GALNT10: variants seen among roughly 807,000 people sequenced by gnomAD.
The protein encoded by GALNT10 is GalNAc transferase 10.
Under a neutral mutation model 75.0 loss-of-function variants are expected in GALNT10, and 41 were observed. The observed-to-expected ratio is 0.55, with a 90% CI of 0.43 to 0.71. GALNT10 has a LOEUF of 0.71. Ranked by LOEUF, GALNT10 falls within the 30% of genes least tolerant of loss-of-function variation. The pLI, the probability that GALNT10 is intolerant of heterozygous loss-of-function variation, is 0.00. For synonymous variants in GALNT10, 302 were observed against 313.0 expected, an observed-to-expected ratio of 0.96 and a Z score of 0.37; for missense variants, 727 against 818.5, an observed-to-expected ratio of 0.89 and a Z score of 1.36.
intron 1 of GALNT10, among the ~76,000 whole-genome samples, chr5:154,229,660 G>A (rs556337278): frequency 1.9e-4 from 29 of 152,250 alleles, no homozygotes; most frequent in Non-Finnish European, 3.7e-4. Context: ...GTGAACCCAG[G>A]AGGCGCACCT....
At chr5:154,319,783 C>G (rs1437898422) in intron 3 of GALNT10, among the ~76,000 whole-genome samples, 3 of 152,228 alleles carry the variant, frequency 2.0e-5, no homozygotes, top group African/African-American at 7.2e-5. Context: ...AGGGCACACT[C>G]CACCATCCAG....
chr5:154,378,294 C>G (rs1177593667), intron 5 of GALNT10, among the ~76,000 whole-genome samples: 5 of 146,570 alleles, frequency 3.4e-5, no homozygotes, highest in African/African-American at 1.0e-4. Flanking sequence ...TGGGAAGCCA[C>G]TGTTGATCAT....
In GALNT10 at chr5:154,301,036, A is replaced by C. The variant is rs563483140; in HGVS notation, c.401+2957A>C. ...GGAAGTGGAGCCAGGATGAGGACCT[A>C]GCCCCTTTGTCTCCCATTGTAGTGC... On this transcript the variant is annotated intron_variant, in intron 3 of 11. Coordinates refer to ENST00000297107, the MANE Select transcript of GALNT10 (RefSeq NM_198321.4). 1.8e-4 allele frequency among the ~76,000 whole-genome samples: 27 copies of C among 152,320 alleles called. No homozygotes were observed. In the East Asian group the frequency reaches 3.9e-3, roughly 22 times the overall value.
intron 10 of GALNT10, among the ~76,000 whole-genome samples, chr5:154,413,553 T>G (rs1426228416): frequency 6.6e-6 from 1 of 152,166 alleles, no homozygotes; most frequent in African/African-American, 2.4e-5. Flanking sequence ...CCTTGACTCT[T>G]GGAGCCTAGG....
At chr5:154,364,164 T>A (rs1755439365) in intron 4 of GALNT10, among the ~76,000 whole-genome samples, 1 of 152,118 alleles carries the variant, frequency 6.6e-6, no homozygotes, top group Non-Finnish European at 1.5e-5. Flanking sequence ...GCTGACAGAT[T>A]TGCAAGAGTA....
At chr5:154,253,059 TA>T (rs1753551690) in intron 1 of GALNT10, among the ~76,000 whole-genome samples, 2 of 151,246 alleles carry the variant, frequency 1.3e-5, no homozygotes, top group African/African-American at 4.8e-5. Context: ...TTTTTTCTTT[TA>T]TTTCTAGTTC....
intron 1 of GALNT10, among the ~76,000 whole-genome samples, chr5:154,192,074 C>T (rs749698966): frequency 6.6e-6 from 1 of 152,192 alleles, no homozygotes; most frequent in African/African-American, 2.4e-5. Context: ...TTCTCTGGTC[C>T]CATGAGAAGT....
intron 7 of GALNT10, among the ~76,000 whole-genome samples, chr5:154,401,846 C>T (rs905655286): frequency 7.2e-5 from 11 of 152,306 alleles, no homozygotes; most frequent in Non-Finnish European, 8.8e-5. Flanking sequence ...ACGACCTCAT[C>T]GAGCAGTTCC....
chr5:154,202,901 A>G (rs1353994101), intron 1 of GALNT10, among the ~76,000 whole-genome samples: 2 of 152,084 alleles, frequency 1.3e-5, no homozygotes, highest in Non-Finnish European at 2.9e-5. Flanking sequence ...TTCGCAGCCT[A>G]GACCCCCCTC....
At position 154,419,020 on chromosome 5, in the gene GALNT10, TC is replaced by T. The variant is rs1198515469; in HGVS notation, c.*2051del. On this transcript the variant is annotated 3_prime_UTR_variant, in exon 12 of 12. Transcript: ENST00000297107. ...AAGAAAAATGCAAATATAGAGCAAA[TC>T]CCTAAACTTGAACCATTTCCTAGTG... 2.6e-5 allele frequency: 4 copies of T among 152,180 alleles called. No homozygotes were observed. Among genetic ancestry groups the T allele is most frequent in the African/African-American group, 9.7e-5 (4 of 41,282 alleles). The allele number at this position is 152,180 out of a possible 1,614,324, so 9.4% of individuals were successfully genotyped here.
At chr5:154,377,053 C>T (rs1038428472) in intron 5 of GALNT10, among the ~76,000 whole-genome samples, 1 of 152,188 alleles carries the variant, frequency 6.6e-6, no homozygotes, top group African/African-American at 2.4e-5. Context: ...ACATTGCCTC[C>T]CTGTATTCAC....
chr5:154,406,280 C>T (rs1031351198), intron 8 of GALNT10: 4 of 152,128 alleles, frequency 2.6e-5, no homozygotes, highest in Admixed American at 6.5e-5. Context: ...GGCATTTTAA[C>T]GTATTTCTCT....
At chr5:154,212,187 G>C (rs1752767522) in intron 1 of GALNT10, among the ~76,000 whole-genome samples, 1 of 152,202 alleles carries the variant, frequency 6.6e-6, no homozygotes, top group Non-Finnish European at 1.5e-5. Flanking sequence ...TGGCTTGACA[G>C]GGTTCTGAGG....
At chr5:154,233,203 T>G (rs1753193584) in intron 1 of GALNT10, among the ~76,000 whole-genome samples, 1 of 152,174 alleles carries the variant, frequency 6.6e-6, no homozygotes, top group South Asian at 2.1e-4. Context: ...GACTCCAGGT[T>G]GGTTCTTTGC....
chr5:154,325,864 GC>G (rs1754748692), intron 3 of GALNT10, among the ~76,000 whole-genome samples: 1 of 152,076 alleles, frequency 6.6e-6, no homozygotes, highest in Non-Finnish European at 1.5e-5. Context: ...GGAGTTGCCA[GC>G]CAAGACAATT....
chr5:154,357,478 G>T (rs532856768), intron 4 of GALNT10, among the ~76,000 whole-genome samples: 93 of 152,170 alleles, frequency 6.1e-4, no homozygotes, highest in African/African-American at 2.2e-3. Context: ...ACTCCATTTG[G>T]TGAATTACTC....
chr5:154,190,861 GC>G lies in GALNT10; in HGVS notation c.-2del. On this transcript the variant is annotated 5_prime_UTR_variant, in exon 1 of 12. Coordinates refer to ENST00000297107, the MANE Select transcript of GALNT10 (RefSeq NM_198321.4). ...CGGCGGGGCGCGGCGGGGCTGACCGGCCCCGATGAGGCGGAAGGAGAAGCGG... is the reference window on the plus strand; with the variant it reads ...CGGCGGGGCGCGGCGGGGCTGACCGGCCCGATGAGGCGGAAGGAGAAGCGG... The G allele has an allele frequency of 7.4e-7, 1 of 1,344,940 alleles. No homozygotes were observed. 83.3% of individuals were successfully genotyped at this position (1,344,940 alleles called of 1,614,324 possible).
At position 154,192,059 on chromosome 5, in the gene GALNT10, G is replaced by A. The variant is rs571610786; in HGVS notation, c.159+1034G>A. 5.3e-5 allele frequency among the ~76,000 whole-genome samples: 8 copies of A among 152,312 alleles called. No individual in the cohort carries two copies. In the East Asian group the frequency reaches 1.2e-3, roughly 22 times the overall value. On this transcript the variant is annotated intron_variant, in intron 1 of 11. Transcript: ENST00000297107. ...AGTGGAACATTTCAGGCTTTCTTAC[G>A]GGATTTCTCTGGTCCCATGAGAAGT...
chr5:154,408,791 C>T (rs914164453), intron 8 of GALNT10, among the ~76,000 whole-genome samples: 3 of 152,092 alleles, frequency 2.0e-5, no homozygotes, highest in African/African-American at 7.2e-5. Flanking sequence ...TTGGTCAAAA[C>T]TCTCAGTTGA....
Sources: allele counts gnomAD v4.1 joint callset (sites outside exome capture counted in the v4.1 genomes callset), GRCh38; gene constraint gnomAD v4.1.1; transcripts MANE v1.5; gene names NCBI Gene and HGNC (gene_info 2026-07-23, HGNC 2026-07-21).